The following PDE8B variants were observed in gnomAD, a reference collection of about 807,000 sequenced individuals.
The protein encoded by PDE8B is phosphodiesterase 8B.
Under a neutral mutation model 101.3 loss-of-function variants are expected in PDE8B, and 26 were observed. The ratio of observed to expected loss-of-function variants is 0.26; its 90% CI spans 0.19 to 0.36. The LOEUF is 0.36. Ranked by LOEUF, PDE8B falls within the 10% of genes least tolerant of loss-of-function variation. The probability of loss-of-function intolerance (pLI) is 1.00; values close to 1 mark genes in which losing one functional copy is unlikely to be tolerated. For missense variants in PDE8B, 810 were observed against 1,163.1 expected (o/e 0.70, Z 4.42); for synonymous variants, 424 against 429.3 (o/e 0.99, Z 0.15).
intron 10 of PDE8B, among the ~76,000 whole-genome samples, chr5:77,362,325 A>G (rs905382323): frequency 9.9e-5 from 15 of 152,198 alleles, no homozygotes; most frequent in African/African-American, 3.4e-4. Flanking sequence ...AACAAATGCT[A>G]TGTTTAAGAA....
chr5:77,209,367 TG>T (rs1473029598), upstream of PDE8B, among the ~76,000 whole-genome samples: 1 of 151,564 alleles, frequency 6.6e-6, no homozygotes, highest in African/African-American at 2.4e-5. Context: ...AAAATAAGAA[TG>T]AAAAAAAAAC....
chr5:77,372,406 G>A (rs1019194340), intron 10 of PDE8B, among the ~76,000 whole-genome samples: 5 of 152,076 alleles, frequency 3.3e-5, no homozygotes, highest in African/African-American at 1.2e-4. Context: ...TCTTCATCAG[G>A]GTTTGTATAT....
At chr5:77,114,185 C>T in the PDE8B span, 1 of 152,146 alleles carries the variant, frequency 6.6e-6, no homozygotes, top group Non-Finnish European at 1.5e-5. Context: ...GATTATAAAT[C>T]ATGCTACTAT....
the PDE8B span, among the ~76,000 whole-genome samples, chr5:77,152,791 G>A: frequency 1.4e-5 from 2 of 144,710 alleles, no homozygotes; most frequent in South Asian, 2.5e-4. Context: ...CTCCGCAGCC[G>A]GACCTGGGAT....
chr5:77,209,497 TC>T (rs1747816817), upstream of PDE8B, among the ~76,000 whole-genome samples: 1 of 152,162 alleles, frequency 6.6e-6, no homozygotes, highest in Admixed American at 6.5e-5. Flanking sequence ...CTAATTTATC[TC>T]CCCGTGCCAT....
chr5:77,376,917 C>T (rs762351520), intron 10 of PDE8B, among the ~76,000 whole-genome samples: 1 of 152,282 alleles, frequency 6.6e-6, no homozygotes, highest in African/African-American at 2.4e-5. Context: ...GGATCTCTCT[C>T]ATTCTCTTAT....
the PDE8B span, among the ~76,000 whole-genome samples, chr5:77,134,079 T>C: frequency 1.3e-5 from 2 of 152,182 alleles, no homozygotes; most frequent in African/African-American, 2.4e-5. Flanking sequence ...GATCACTTCA[T>C]CGCAAAGGAG....
chr5:77,089,882 A>G, the PDE8B span, among the ~76,000 whole-genome samples: 1 of 152,252 alleles, frequency 6.6e-6, no homozygotes, highest in African/African-American at 2.4e-5. Context: ...TAGCCAAGAT[A>G]CAAAATCAAC....
chr5:77,115,054 A>G, the PDE8B span: 1 of 152,212 alleles, frequency 6.6e-6, no homozygotes, highest in African/African-American at 2.4e-5. Flanking sequence ...ACCTGCTGAC[A>G]CCTTATTGGC....
chr5:77,422,088 T>C, intron 20 of PDE8B, 100 bp downstream of exon 20: 1 of 1,254,064 alleles, frequency 8.0e-7, no homozygotes, highest in Non-Finnish European at 1.1e-6. Context: ...TTTTTACCAA[T>C]TAGTTAACCA....
At chr5:77,089,975 C>A in the PDE8B span, among the ~76,000 whole-genome samples, 1 of 152,116 alleles carries the variant, frequency 6.6e-6, no homozygotes, top group Non-Finnish European at 1.5e-5. Context: ...AGAATGAAAT[C>A]CTGTCATTTG....
At chr5:77,304,017 T>G (rs1193595474) in intron 1 of PDE8B, among the ~76,000 whole-genome samples, 1 of 152,236 alleles carries the variant, frequency 6.6e-6, no homozygotes, top group Admixed American at 6.5e-5. Context: ...AATATTCTTG[T>G]AAATGCCTCC....
At position 77,210,857 on chromosome 5, in the gene PDE8B, T is replaced by G; in HGVS notation, c.-69T>G. On this transcript the variant is annotated 5_prime_UTR_variant, in exon 1 of 22. Transcript: ENST00000264917. This position sits in a 1 kb window ranked among gnomAD's most constrained non-coding sequence, Gnocchi z 4.9. ...GCCGCGGCCGCCCCCTCACTGCAGG[T>G]GGCAGCGGGTGCGCTGGGTCCCGGC... is the stretch of plus-strand genomic sequence containing the variant. 7.0e-6 allele frequency: 8 copies of G among 1,145,654 alleles called. No homozygotes were observed. Among genetic ancestry groups the G allele is most frequent in the Non-Finnish European group, 6.4e-6 (6 of 937,014 alleles). 71.0% of individuals were successfully genotyped at this position (1,145,654 alleles called of 1,614,324 possible). A position where few individuals can be genotyped will look rare whatever the true frequency, so the allele number is the denominator to read the frequency against.
chr5:77,092,019 TAA>T, the PDE8B span, among the ~76,000 whole-genome samples: 10 of 152,294 alleles, frequency 6.6e-5, no homozygotes, highest in African/African-American at 2.4e-4. Flanking sequence ...AAAAATTATA[TAA>T]GAGGAAATAT....
the PDE8B span, among the ~76,000 whole-genome samples, chr5:77,200,791 T>G: frequency 2.6e-5 from 4 of 152,166 alleles, no homozygotes; most frequent in Non-Finnish European, 5.9e-5. Flanking sequence ...CCTGGAAAGC[T>G]CTCTCACATC....
At chr5:77,234,484 A>G (rs1754273413) in intron 1 of PDE8B, among the ~76,000 whole-genome samples, 1 of 152,172 alleles carries the variant, frequency 6.6e-6, no homozygotes, top group Non-Finnish European at 1.5e-5. Flanking sequence ...CCCAGAGCAG[A>G]GGTGAGTCAA....
chr5:77,325,787 T>A lies in PDE8B; in HGVS notation c.590+58T>A, dbSNP rs4133658. The A allele has an allele frequency of 1.1e-4, 125 of 1,147,966 alleles. No homozygotes were observed. In the East Asian group the frequency reaches 2.4e-3, roughly 22 times the overall value. 71.1% of individuals were successfully genotyped at this position (1,147,966 alleles called of 1,614,324 possible). A position where few individuals can be genotyped will look rare whatever the true frequency, so the allele number is the denominator to read the frequency against. ...GTTCACTTTACATCTTAAAACGAAT[T>A]TCATTTATAGATATCTTTAGTTTAT... On this transcript the variant is annotated intron_variant, in intron 3 of 21. Transcript: ENST00000264917.
chr5:77,139,030 C>T, the PDE8B span, among the ~76,000 whole-genome samples: 1 of 152,158 alleles, frequency 6.6e-6, no homozygotes, highest in African/African-American at 2.4e-5. Flanking sequence ...AAAATGACTC[C>T]CACGGCCCCT....
At chr5:77,266,706 T>G (rs762663664) in intron 1 of PDE8B, among the ~76,000 whole-genome samples, 48 of 152,184 alleles carry the variant, frequency 3.2e-4, no homozygotes, top group Non-Finnish European at 6.6e-4. Context: ...TGATTCAATA[T>G]TTATGAATTC....
Sources: allele counts gnomAD v4.1 joint callset (sites outside exome capture counted in the v4.1 genomes callset), GRCh38; gene constraint gnomAD v4.1.1; non-coding constraint Gnocchi (gnomAD v3.1); transcripts MANE v1.5; gene names NCBI Gene and HGNC (gene_info 2026-07-23, HGNC 2026-07-21).